Variants in KCNAB1 observed in about 807,000 individuals in gnomAD.
KCNAB1 encodes the protein voltage-gated potassium channel subunit beta-1.
Under a neutral mutation model 64.6 loss-of-function variants are expected in KCNAB1, and 35 were observed. The observed-to-expected ratio is 0.54, with a 90% CI of 0.41 to 0.72. The LOEUF is 0.72. Among genes scored for constraint, KCNAB1 ranks in the 30% least tolerant of loss-of-function variants. The pLI is 0.00. For missense variants in KCNAB1, 401 were observed against 512.9 expected, an observed-to-expected ratio of 0.78 and a Z score of 2.11; for synonymous variants, 177 against 183.8, an observed-to-expected ratio of 0.96 and a Z score of 0.30.
intron 1 of KCNAB1, among the ~76,000 whole-genome samples, chr3:156,200,107 G>A (rs188927037): frequency 6.6e-6 from 1 of 152,278 alleles, no homozygotes. Context: ...GGAATTTGCT[G>A]GAGTTCCACT....
At chr3:156,398,859 C>T (rs1713682045) in intron 1 of KCNAB1, among the ~76,000 whole-genome samples, 1 of 152,130 alleles carries the variant, frequency 6.6e-6, no homozygotes, top group Non-Finnish European at 1.5e-5. Flanking sequence ...GCATATCCAT[C>T]CTATTTTGGA....
At chr3:156,291,266 G>C in intron 1 of KCNAB1, 1 of 987,528 alleles carries the variant, frequency 1.0e-6, no homozygotes, top group Non-Finnish European at 1.2e-6. Flanking sequence ...GAGAATGAGT[G>C]GGGAGGGGTC....
chr3:156,471,886 A>G (rs1467235360), intron 7 of KCNAB1, among the ~76,000 whole-genome samples: 1 of 152,256 alleles, frequency 6.6e-6, no homozygotes, highest in Admixed American at 6.5e-5. Context: ...AGACCAAAGC[A>G]GGAAGATCAC....
intron 1 of KCNAB1, among the ~76,000 whole-genome samples, chr3:156,259,256 G>A (rs1358163846): frequency 6.6e-6 from 1 of 152,110 alleles, no homozygotes; most frequent in African/African-American, 2.4e-5. Context: ...CCCCCTTAAG[G>A]GGTCCTGACT....
chr3:156,391,058 C>T (rs1475231830), intron 1 of KCNAB1, among the ~76,000 whole-genome samples: 1 of 152,074 alleles, frequency 6.6e-6, no homozygotes, highest in Non-Finnish European at 1.5e-5. Flanking sequence ...GGGAGCAGGA[C>T]AGGGATATGC....
At chr3:156,523,759 TG>T in intron 11 of KCNAB1, 67 bp from the exon 12 acceptor site, 1 of 1,441,018 alleles carries the variant, frequency 6.9e-7, no homozygotes, top group South Asian at 1.3e-5. Context: ...CATATTTTAT[TG>T]AATTACCATT....
intron 2 of KCNAB1, among the ~76,000 whole-genome samples, chr3:156,426,700 A>G (rs1046852046): frequency 1.3e-5 from 2 of 152,330 alleles, no homozygotes; most frequent in East Asian, 1.9e-4. Flanking sequence ...TGCCTTTTCC[A>G]GAATGTCATA....
At chr3:156,202,850 T>G (rs1714427091) in intron 1 of KCNAB1, among the ~76,000 whole-genome samples, 1 of 152,222 alleles carries the variant, frequency 6.6e-6, no homozygotes, top group African/African-American at 2.4e-5. Flanking sequence ...AACAGATTTT[T>G]TAAAGTTGGA....
At chr3:156,305,255 A>C (rs1373799898) in intron 1 of KCNAB1, among the ~76,000 whole-genome samples, 6 of 152,324 alleles carry the variant, frequency 3.9e-5, no homozygotes, top group African/African-American at 1.2e-4. Flanking sequence ...TGAACATATG[A>C]TATCTTTGCA....
rs561129836 is a variant in KCNAB1 at position 156,146,379 on chromosome 3, A to G, written c.275+25493A>G. On this transcript the variant is annotated intron_variant, in intron 1 of 13. Coordinates refer to ENST00000490337, the MANE Select transcript of KCNAB1 (RefSeq NM_172160.3). ...GCTGAAAATTAATTGTCTTTATTAC[A>G]TAGCACTGAACTCTAAGCCAGACAG... Among the ~76,000 whole-genome samples the G allele has an allele frequency of 2.2e-3, 336 of 152,326 alleles. 2 individuals are homozygous for G. Among genetic ancestry groups the G allele is most frequent in the African/African-American group, 7.7e-3 (319 of 41,582 alleles).
intron 1 of KCNAB1, among the ~76,000 whole-genome samples, chr3:156,272,589 C>G (rs894348613): frequency 6.6e-6 from 1 of 151,950 alleles, no homozygotes; most frequent in African/African-American, 2.4e-5. Context: ...AGGCCTGGGA[C>G]TCTACCTTCA....
chr3:156,470,483 C>T (rs1364543320), intron 7 of KCNAB1, among the ~76,000 whole-genome samples: 3 of 152,146 alleles, frequency 2.0e-5, no homozygotes, highest in African/African-American at 7.2e-5. Context: ...TAGTGAGACC[C>T]TTGTCTCTAC....
At position 156,208,170 on chromosome 3, in the gene KCNAB1, G is replaced by T. The variant is rs1714780575; in HGVS notation, c.275+87284G>T. On this transcript the variant is annotated intron_variant, in intron 1 of 13. Coordinates refer to ENST00000490337, the MANE Select transcript of KCNAB1 (RefSeq NM_172160.3). The stretch of plus-strand genomic sequence containing the variant: ...TTAGTCATGACTGGGACCAAAGTTT[G>T]GGAACTTCCTGCATCCTAGTTTGGG... Among the ~76,000 whole-genome samples, 4 of 152,196 alleles carry T rather than the reference G, an allele frequency of 2.6e-5. No homozygotes were observed. In the South Asian group the frequency reaches 8.3e-4, roughly 32 times the overall value.
chr3:156,174,149 C>T (rs1712194221), intron 1 of KCNAB1, among the ~76,000 whole-genome samples: 1 of 152,180 alleles, frequency 6.6e-6, no homozygotes, highest in Non-Finnish European at 1.5e-5. Flanking sequence ...AGTTCTGGTT[C>T]TCTAGAGAAC....
intron 1 of KCNAB1, among the ~76,000 whole-genome samples, chr3:156,183,214 G>A (rs1712982921): frequency 6.6e-6 from 1 of 152,074 alleles, no homozygotes; most frequent in South Asian, 2.1e-4. Flanking sequence ...ACCCCGGGAG[G>A]GAGACAAGGA....
At chr3:156,522,843 C>T (rs1718046894) in intron 11 of KCNAB1, among the ~76,000 whole-genome samples, 1 of 148,782 alleles carries the variant, frequency 6.7e-6, no homozygotes, top group African/African-American at 2.5e-5. Context: ...TGTATTATGT[C>T]ACAATTACAC....
At chr3:156,538,609 T>C (rs191792799), downstream of KCNAB1, 2 of 152,260 alleles carry the variant, frequency 1.3e-5, no homozygotes, top group African/African-American at 4.8e-5. Flanking sequence ...AATCTTACAA[T>C]AGATTTTATC....
chr3:156,227,921 C>T (rs1716285837), intron 1 of KCNAB1: 1 of 152,232 alleles, frequency 6.6e-6, no homozygotes, highest in Admixed American at 6.5e-5. Context: ...CAGAAAGAGA[C>T]ACTGAGTCAG....
chr3:156,127,273 TATTA>T (rs1233240614), intron 1 of KCNAB1, among the ~76,000 whole-genome samples: 1 of 152,214 alleles, frequency 6.6e-6, no homozygotes, highest in East Asian at 1.9e-4. Context: ...TAGAAAAAGC[TATTA>T]ATTCATTTTT....
Sources: allele counts gnomAD v4.1 joint callset (sites outside exome capture counted in the v4.1 genomes callset), GRCh38; gene constraint gnomAD v4.1.1; transcripts MANE v1.5; gene names NCBI Gene and HGNC (gene_info 2026-07-23, HGNC 2026-07-21).